Variants in HAL observed in about 807,000 individuals in gnomAD.
HAL encodes the protein histidase.
In HAL, 85 loss-of-function variants were observed where a neutral mutation model predicts 81.1. The observed-to-expected ratio is 1.05, with a 90% CI of 0.88 to 1.25. The LOEUF (loss-of-function observed/expected upper bound fraction) is 1.25. HAL is among the 50% of genes most tolerant of loss of function. The pLI, the probability that HAL is intolerant of heterozygous loss-of-function variation, is 0.00. For synonymous variants in HAL, 301 were observed against 309.2 expected (o/e 0.97, Z 0.28); for missense variants, 798 against 836.6 (o/e 0.95, Z 0.57).
Position 95,993,928 on chromosome 12 carries a change from G to T in HAL, c.482C>A (p.Thr161Lys). 2 of 1,572,886 alleles carry T rather than the reference G, an allele frequency of 1.3e-6. No individual in the cohort carries two copies. The highest frequency in any genetic ancestry group is 1.8e-6 in the Non-Finnish European group (2 of 1,142,678). The change falls in exon 6 of 21, where the codon ACA becomes AAA. Residue 161 changes from threonine to lysine, a missense_variant and splice_region_variant. Transcript: ENST00000261208. The stretch of plus-strand genomic sequence containing the variant: ...ATAACATAAAGATAAAAAGATACCT[G>T]TTTTCTCTTTTATGATGCTATCTAT... ...EVIDSIIKEK[T>K]VVYGITTGFG...
Position 95,973,926 on chromosome 12 carries a change from G to T in HAL, c.*306C>A. 1 of 317,538 alleles carries T rather than the reference G, an allele frequency of 3.1e-6. No homozygotes were observed. Among genetic ancestry groups the T allele is most frequent in the Non-Finnish European group, 5.8e-6 (1 of 171,720 alleles). The allele number at this position is 317,538 out of a possible 1,614,324, so 19.7% of individuals were successfully genotyped here. On this transcript the variant is annotated 3_prime_UTR_variant, in exon 21 of 21. Coordinates refer to ENST00000261208, the MANE Select transcript of HAL (RefSeq NM_002108.4). ...CATCTAATGCTAAGAGTAAAAAACA[G>T]GCACATACAATTGTGGTTATTCTTC...
intron 4 of HAL, 112 bp downstream of exon 4, chr12:95,994,686 G>A (rs184168030): frequency 1.1e-4 from 121 of 1,091,362 alleles, no homozygotes; most frequent in Non-Finnish European, 1.5e-4. Flanking sequence ...CACTGCTCCC[G>A]GCCAGCCCTG....
intron 12 of HAL, 147 bp from the exon 13 acceptor site, chr12:95,986,307 AC>A (rs924845614): frequency 2.9e-6 from 2 of 681,306 alleles, no homozygotes; most frequent in African/African-American, 3.5e-5. Context: ...TGCTGGGATT[AC>A]AGGCATGAGC....
At chr12:95,988,798 G>C (rs1485423134) in intron 10 of HAL, among the ~76,000 whole-genome samples, 2 of 152,124 alleles carry the variant, frequency 1.3e-5, no homozygotes, top group African/African-American at 4.8e-5. Context: ...AATCCCGAGG[G>C]GGCGATGGGC....
chr12:95,988,409 T>C (rs1949923186), intron 10 of HAL, among the ~76,000 whole-genome samples, 169 bp from the exon 11 acceptor site: 1 of 152,234 alleles, frequency 6.6e-6, no homozygotes, highest in African/African-American at 2.4e-5. Flanking sequence ...TCTCTAGTTC[T>C]GTTCTTTAGT....
At position 95,987,163 on chromosome 12, in the gene HAL, C is replaced by A. The variant is rs765616412; in HGVS notation, c.955G>T (p.Ala319Ser). ...GCAATAGCACTGGCTCGCTCTACAG[C>A]TTCACAGCCCAGGGATGTGATCATC... is the stretch of plus-strand genomic sequence containing the variant. ...TQMITSLGCE[A>S]VERASAIARQ... The change falls in exon 12 of 21, where the codon GCT (alanine) becomes TCT (serine). Residue 319 changes from alanine to serine, a missense_variant. Physicochemically the swap from Ala to Ser is moderately conservative, Grantham distance 99. Transcript: ENST00000261208. 6.2e-7 allele frequency: 1 copy of A among 1,613,764 alleles called. No homozygotes were observed. The highest frequency in any genetic ancestry group is 1.1e-5 in the South Asian group (1 of 91,082).
chr12:95,988,324 T>G (rs1949922198), intron 10 of HAL, 84 bp from the exon 11 acceptor site: 15 of 782,536 alleles, frequency 1.9e-5, no homozygotes, highest in Non-Finnish European at 3.2e-5. Context: ...CAATAATAGC[T>G]CTTTATGCCC....
At chr12:95,989,472 G>A (rs1248191696) in intron 10 of HAL, 1 of 152,280 alleles carries the variant, frequency 6.6e-6, no homozygotes, top group East Asian at 1.9e-4. Context: ...GAACGTATTT[G>A]TACCAGACCC....
At chr12:95,983,843 T>A (rs1949842533) in intron 15 of HAL, 68 bp downstream of exon 15, 9 of 845,406 alleles carry the variant, frequency 1.1e-5, no homozygotes. Flanking sequence ...AAAATGATTG[T>A]TTCAGTAGAT....
chr12:95,994,000 T>C lies in HAL; in HGVS notation c.412-2A>G, dbSNP rs1471753794. On this transcript the variant is annotated splice_acceptor_variant, in intron 5 of 20. Coordinates refer to ENST00000261208, the MANE Select transcript of HAL (RefSeq NM_002108.4). LOFTEE classifies it high-confidence loss of function. ...CCTCTTCTCAGCTGTTGGGGTGAGCTAGGAAAATGTTGATCAGAACTGAGC... is the reference window on the plus strand; with the variant it reads ...CCTCTTCTCAGCTGTTGGGGTGAGCCAGGAAAATGTTGATCAGAACTGAGC... The C allele has an allele frequency of 2.9e-5, 46 of 1,611,122 alleles. No individual in the cohort carries two copies. The highest frequency in any genetic ancestry group is 3.9e-5 in the Non-Finnish European group (46 of 1,177,394).
chr12:95,992,076 C>T (rs1358042095), intron 9 of HAL, among the ~76,000 whole-genome samples: 2 of 152,222 alleles, frequency 1.3e-5, no homozygotes, highest in African/African-American at 4.8e-5. Flanking sequence ...ACAATACCTC[C>T]AATCACTGCA....
chr12:95,976,476 T>G lies in HAL; in HGVS notation c.1786A>C (p.Met596Leu). 6.2e-7 allele frequency: 1 copy of G among 1,614,126 alleles called. No individual in the cohort carries two copies. Residue 596 changes from methionine (M) to leucine (L), a missense_variant, in exon 20 of 21, where the codon ATG becomes CTG. Coordinates refer to ENST00000261208, the MANE Select transcript of HAL (RefSeq NM_002108.4). The stretch of plus-strand genomic sequence containing the variant: ...TGGGCTGCCTCGATGTCCGGGGCCA[T>G]GAAGCGATCTTTTATCCAGGGCCTA... ...VVRPWIKDRFMAPDIEAAHRL... is the reference protein window; with the variant it reads ...VVRPWIKDRFLAPDIEAAHRL...
At chr12:95,994,022 G>A (rs531825260) in intron 5 of HAL, 24 bp from the exon 6 acceptor site, 14 of 1,604,194 alleles carry the variant, frequency 8.7e-6, no homozygotes, top group Admixed American at 1.7e-5. Flanking sequence ...GATCAGAACT[G>A]AGCACGTTAA....
At chr12:95,977,356 C>G (rs759142509) in intron 18 of HAL, among the ~76,000 whole-genome samples, 6 of 151,190 alleles carry the variant, frequency 4.0e-5, no homozygotes, top group African/African-American at 7.3e-5. Flanking sequence ...ACTCTTCTCT[C>G]CACTTTGAAT....
chr12:95,976,727 A>C (rs1320001671), intron 18 of HAL, 21 bp from the exon 19 acceptor site: 2 of 1,477,400 alleles, frequency 1.4e-6, no homozygotes, highest in Non-Finnish European at 1.9e-6. Flanking sequence ...AAATTCCAAG[A>C]GGGTAGCTTA....
At chr12:95,992,338 T>C (rs964813205) in intron 9 of HAL, among the ~76,000 whole-genome samples, 9 of 152,230 alleles carry the variant, frequency 5.9e-5, no homozygotes, top group Non-Finnish European at 5.9e-5. Context: ...ATTGATATCA[T>C]GCAATTTTTC....
In HAL at chr12:95,976,711, A is replaced by G; in HGVS notation, c.1655-5T>C. 2 of 1,578,800 alleles carry G rather than the reference A, an allele frequency of 1.3e-6. No homozygotes were observed. Among genetic ancestry groups the G allele is most frequent in the South Asian group, 1.1e-5 (1 of 90,412 alleles). On this transcript the variant is annotated splice_region_variant and splice_polypyrimidine_tract_variant and intron_variant, in intron 18 of 20. Coordinates refer to ENST00000261208, the MANE Select transcript of HAL (RefSeq NM_002108.4). ...CAAGGAGCTCGATGGCCAGCACTGA[A>G]ACAAGAAATTCCAAGAGGGTAGCTT...
At chr12:95,987,456 A>C (rs886826229) in intron 11 of HAL, among the ~76,000 whole-genome samples, 1 of 152,208 alleles carries the variant, frequency 6.6e-6, no homozygotes, top group African/African-American at 2.4e-5. Flanking sequence ...AAGTATCCAC[A>C]TTCCCAAAGC....
intron 4 of HAL, 139 bp from the exon 5 acceptor site, chr12:95,994,303 C>T (rs1950006831): frequency 3.9e-6 from 3 of 768,448 alleles, no homozygotes; most frequent in African/African-American, 3.4e-5. Flanking sequence ...AATAAAAATG[C>T]ATCTTGCATA....
Sources: gnomAD v4.1 joint callset for allele counts (sites outside exome capture counted in the v4.1 genomes callset) on GRCh38, gnomAD v4.1.1 for gene constraint, MANE v1.5 for transcripts, NCBI Gene and HGNC (gene_info 2026-07-23, HGNC 2026-07-21) for gene names.